NUMA1: variants seen among roughly 807,000 people sequenced by gnomAD.
NUMA1 encodes the protein SP-H antigen.
NUMA1 carries 62 observed loss-of-function variants against 237.1 expected under a neutral mutation model. The ratio of observed to expected loss-of-function variants is 0.26; its 90% CI spans 0.21 to 0.32. The LOEUF (loss-of-function observed/expected upper bound fraction) is 0.32, where lower values mean the gene tolerates loss of function less well. NUMA1 is among the 10% of genes least tolerant of loss of function. NUMA1 has a pLI of 1.00. For missense variants in NUMA1, 2,533 were observed against 2,666.5 expected (o/e 0.95, Z 1.10); for synonymous variants, 1,028 against 1,066.1 (o/e 0.96, Z 0.70).
rs1940975775 is a variant in NUMA1 at position 72,035,939 on chromosome 11, G to A, written c.5C>T (p.Thr2Ile). M[T>I]LHATRGAALL... is the part of the protein sequence containing the mutation. ...TGCAGCCCCCCGGGTGGCGTGGAGTGTCATCTTGGTGATGCCAGACAGTCA... is the reference window on the plus strand; with the variant it reads ...TGCAGCCCCCCGGGTGGCGTGGAGTATCATCTTGGTGATGCCAGACAGTCA... Residue 2 changes from threonine to isoleucine, a missense_variant, in exon 3 of 27, where the codon ACA becomes ATA. This residue lies in a region of NUMA1 where 1,414 missense variants were observed against 1,508.1 expected (regional missense o/e 0.94). Transcript: ENST00000393695. 1 of 1,614,070 alleles carries A rather than the reference G, an allele frequency of 6.2e-7. No homozygotes were observed. The highest frequency in any genetic ancestry group is 1.1e-5 in the South Asian group (1 of 91,082).
At chr11:72,026,917 G>T (rs552984074) in intron 4 of NUMA1, among the ~76,000 whole-genome samples, 1 of 152,268 alleles carries the variant, frequency 6.6e-6, no homozygotes, top group Admixed American at 6.5e-5. Context: ...CATTAACCTG[G>T]GATTTCAATA....
In NUMA1 at chr11:72,074,747, A is replaced by C. The variant is rs560172112; in HGVS notation, c.-102-4836T>G. ...GAGCAAGACTCTGTCTCAAAATAAC[A>C]AACAGGCTGGGTGCAATGGCTCACG... is the stretch of plus-strand genomic sequence containing the variant. On this transcript the variant is annotated intron_variant, in intron 1 of 26. Transcript: ENST00000393695. Among the ~76,000 whole-genome samples the C allele has an allele frequency of 4.6e-5, 7 of 151,296 alleles. No individual in the cohort carries two copies. The East Asian group carries it at 9.8e-4, about 21-fold the overall frequency.
chr11:72,017,258 C>G, intron 13 of NUMA1: 1 of 222,880 alleles, frequency 4.5e-6, no homozygotes, highest in South Asian at 5.9e-5. Context: ...AAATTGGGTT[C>G]TTACCAATAG....
intron 4 of NUMA1, among the ~76,000 whole-genome samples, chr11:72,027,852 G>A (rs531281131): frequency 3.3e-5 from 5 of 152,202 alleles, no homozygotes; most frequent in South Asian, 4.1e-4. Context: ...AGGGAGGGAC[G>A]CTGGATGTGA....
At position 72,014,206 on chromosome 11, in the gene NUMA1, C is replaced by T; in HGVS notation, c.3297G>A (p.Lys1099=). Residue 1099 remains lysine (K), a synonymous_variant, in exon 15 of 27, where the codon AAG becomes AAA. Coordinates refer to ENST00000393695, the MANE Select transcript of NUMA1 (RefSeq NM_006185.4). The surrounding 1 kb of genome is among the most constrained non-coding windows in gnomAD (Gnocchi z 4.6). ...GGGCTCCTGAGCCAGATGCGTGCTC[C>T]TTTTCTTTCTTAGCCAGCTGTTCCT... ...QLKEQLAKKE[K]EHASGSGAQS... is the part of the protein sequence containing the mutation. The T allele has an allele frequency of 6.2e-7, 1 of 1,614,042 alleles. No individual in the cohort carries two copies. The highest frequency in any genetic ancestry group is 8.5e-7 in the Non-Finnish European group (1 of 1,180,044).
rs12803761 is a variant in NUMA1 at position 72,077,934 on chromosome 11, A to G, written c.-103+2524T>C. On this transcript the variant is annotated intron_variant, in intron 1 of 26. Coordinates refer to ENST00000393695, the MANE Select transcript of NUMA1 (RefSeq NM_006185.4). ...TGAAGGATGTATGTATCTATGCAAT[A>G]AAAAAGGAAGGAATAAAATGCAAGG... Among the ~76,000 whole-genome samples, 1,160 of 152,342 alleles carry G rather than the reference A, an allele frequency of 7.6e-3. 9 individuals carry two copies. The highest frequency in any genetic ancestry group is 0.048 in the Middle Eastern group (14 of 294).
chr11:72,020,848 G>A, intron 8 of NUMA1: 1 of 173,234 alleles, frequency 5.8e-6, no homozygotes, highest in South Asian at 1.3e-4. Context: ...CTCCAGCCTG[G>A]GCGACAGAGA....
chr11:72,058,124 C>T (rs1403043087), intron 2 of NUMA1, among the ~76,000 whole-genome samples: 1 of 152,116 alleles, frequency 6.6e-6, no homozygotes. Context: ...TAGGAAACTT[C>T]ATTTCTTGCT....
Position 72,014,020 on chromosome 11 carries a change from G to T in NUMA1, c.3483C>A (p.Asp1161Glu). The change falls in exon 15 of 27, where the codon GAC becomes GAA. Residue 1161 changes from aspartate to glutamate, a missense_variant. Physicochemically the swap from Asp to Glu is conservative, Grantham distance 45. Transcript: ENST00000393695. The surrounding 1 kb of genome is among the most constrained non-coding windows in gnomAD (Gnocchi z 4.6). The part of the protein sequence containing the change: ...EAERASRAER[D>E]SALETLQGQL... ...GGCCCTGCAGAGTCTCCAGAGCACT[G>T]TCCCGCTCAGCCCGGGAGGCCCGCT... 6.2e-7 allele frequency: 1 copy of T among 1,611,642 alleles called. No individual in the cohort carries two copies.
At chr11:72,020,850 C>A (rs986782113) in intron 8 of NUMA1, 2 of 171,698 alleles carry the variant, frequency 1.2e-5, no homozygotes, top group African/African-American at 4.9e-5. Context: ...CCAGCCTGGG[C>A]GACAGAGAGA....
intron 6 of NUMA1, 29 bp downstream of exon 6, chr11:72,023,036 G>A (rs1249008890): frequency 1.3e-6 from 2 of 1,566,352 alleles, no homozygotes; most frequent in South Asian, 1.1e-5. Flanking sequence ...ACCCTGCCCT[G>A]CCTCCCCAGT....
At chr11:72,060,801 T>G (rs906999494) in intron 2 of NUMA1, among the ~76,000 whole-genome samples, 6 of 152,184 alleles carry the variant, frequency 3.9e-5, no homozygotes. Context: ...CTAGGCACGG[T>G]AGCCCACACC....
In NUMA1 at chr11:72,004,810, G is replaced by C; in HGVS notation, c.5836C>G (p.Leu1946Val). The C allele has an allele frequency of 6.4e-7, 1 of 1,572,162 alleles. No individual in the cohort carries two copies. Among genetic ancestry groups the C allele is most frequent in the Non-Finnish European group, 8.6e-7 (1 of 1,160,084 alleles). ...TCATCTGTGATGGTGCCCAGGCTCA[G>C]GGAAGGCTGCATGGGTGGAAGAGGT... Reference protein sequence around the residue: ...TCYPLESRPSLSLGTITDEEM... With the variant: ...TCYPLESRPSVSLGTITDEEM... The change falls in exon 24 of 27, where the codon CTG becomes GTG. Residue 1946 changes from leucine (L) to valine (V), a missense_variant. By Grantham distance (32) the Leu-to-Val change is conservative. Around this residue, in one of 3 missense-constraint regions of NUMA1, gnomAD observed 795 missense variants for 750.8 expected, o/e 1.06. Transcript: ENST00000393695.
chr11:72,033,243 C>T (rs1285197932), intron 3 of NUMA1, among the ~76,000 whole-genome samples: 1 of 152,156 alleles, frequency 6.6e-6, no homozygotes, highest in African/African-American at 2.4e-5. Flanking sequence ...TAACTGCAAC[C>T]TCAAACTCCC....
chr11:72,054,524 T>C (rs1235199324), intron 2 of NUMA1, among the ~76,000 whole-genome samples: 1 of 151,942 alleles, frequency 6.6e-6, no homozygotes, highest in Non-Finnish European at 1.5e-5. Context: ...TTGAACATAG[T>C]ATCACCCCTA....
At chr11:72,052,303 A>G (rs559251562) in intron 2 of NUMA1, among the ~76,000 whole-genome samples, 1 of 152,344 alleles carries the variant, frequency 6.6e-6, no homozygotes, top group South Asian at 2.1e-4. Context: ...GGAATGCTTT[A>G]TAGAGGAAGT....
intron 10 of NUMA1, 99 bp from the exon 11 acceptor site, chr11:72,018,612 G>T: frequency 9.0e-7 from 1 of 1,109,918 alleles, no homozygotes; most frequent in Non-Finnish European, 1.3e-6. Context: ...GGGAGGAGAC[G>T]GCATAGGGAA....
chr11:72,061,923 T>C (rs144037812), intron 2 of NUMA1, among the ~76,000 whole-genome samples: 1 of 152,164 alleles, frequency 6.6e-6, no homozygotes, highest in Non-Finnish European at 1.5e-5. Context: ...CAAACACACA[T>C]ACACATCACA....
chr11:72,022,571 C>T, intron 6 of NUMA1, 152 bp from the exon 7 acceptor site: 1 of 522,868 alleles, frequency 1.9e-6, no homozygotes, highest in Non-Finnish European at 3.3e-6. Context: ...TTAACAGCTC[C>T]AGGAAACACT....
Sources: allele counts gnomAD v4.1 joint callset (sites outside exome capture counted in the v4.1 genomes callset), GRCh38; gene constraint gnomAD v4.1.1; regional missense constraint gnomAD v4.1.1; non-coding constraint Gnocchi (gnomAD v3.1); transcripts MANE v1.5; gene names NCBI Gene and HGNC (gene_info 2026-07-23, HGNC 2026-07-21).